Variants in USP22 observed in about 807,000 individuals in gnomAD.
The protein encoded by USP22 is ubiquitin specific peptidase 22.
USP22 carries 22 observed loss-of-function variants against 68.1 expected under a neutral mutation model. The observed-to-expected ratio is 0.32, with a 90% CI of 0.23 to 0.46. The LOEUF is 0.46. Among genes scored for constraint, USP22 ranks in the 20% least tolerant of loss-of-function variants. The pLI, the probability that USP22 is intolerant of heterozygous loss-of-function variation, is 1.00. For missense variants in USP22, 433 were observed against 695.8 expected, an observed-to-expected ratio of 0.62 and a Z score of 4.25; for synonymous variants, 279 against 274.2, an observed-to-expected ratio of 1.02 and a Z score of -0.17.
chr17:21,019,100 G>A lies in USP22; in HGVS notation c.504C>T (p.Thr168=). ...TCCACCCACCTATGGTGCAGTTCGA[G>A]GTGATCTTTCTCCTTTTCGGGTTGT... ...LKHNPKRRKI[T]SNCTIGLRGL... Residue 168 remains threonine, a synonymous_variant, in exon 4 of 13, where the codon ACC becomes ACT. Transcript: ENST00000261497. 6.2e-7 allele frequency: 1 copy of A among 1,614,180 alleles called. No homozygotes were observed. The highest frequency in any genetic ancestry group is 8.5e-7 in the Non-Finnish European group (1 of 1,180,010).
Position 21,006,967 on chromosome 17 carries a change from C to T in USP22, c.1251G>A (p.Lys417=), listed in dbSNP as rs761814750. 7.5e-6 allele frequency: 12 copies of T among 1,606,120 alleles called. No individual in the cohort carries two copies. The African/African-American group carries it at 1.3e-4, about 18-fold the overall frequency. Reference sequence around the variant, plus strand: ...CATACGTGGTGATCTTCCGCCGCAGCTTGGCTGAGTGTTCAAATCGCTGCA... The same window carrying T: ...CATACGTGGTGATCTTCCGCCGCAGTTTGGCTGAGTGTTCAAATCGCTGCA... The part of the protein sequence containing the change: ...FHLKRFEHSA[K]LRRKITTYVS... The change falls in exon 10 of 13, where the codon AAG becomes AAA. Residue 417 remains lysine (K), a synonymous_variant. Transcript: ENST00000261497.
At chr17:21,018,281 G>T in intron 4 of USP22, 170 bp from the exon 5 acceptor site, 2 of 602,866 alleles carry the variant, frequency 3.3e-6, no homozygotes, top group Non-Finnish European at 2.8e-6. Context: ...ACTTTTACAT[G>T]AACGGTATTG....
chr17:21,026,692 T>C (rs1431511115), intron 2 of USP22, among the ~76,000 whole-genome samples: 3 of 150,904 alleles, frequency 2.0e-5, no homozygotes, highest in Non-Finnish European at 4.4e-5. Flanking sequence ...TGTCCAGGCA[T>C]GGTGGCTCAC....
intron 2 of USP22, among the ~76,000 whole-genome samples, chr17:21,021,576 A>T (rs1369134225): frequency 6.6e-6 from 1 of 152,218 alleles, no homozygotes; most frequent in Non-Finnish European, 1.5e-5. Flanking sequence ...AGTCCTGGCC[A>T]CCTGACACGG....
intron 5 of USP22, among the ~76,000 whole-genome samples, chr17:21,017,060 C>T (rs757567391): frequency 3.9e-5 from 6 of 152,184 alleles, no homozygotes; most frequent in African/African-American, 7.2e-5. Flanking sequence ...ATTGCAGGTA[C>T]TTTGAGGAAA....
chr17:21,041,286 T>A (rs562751892), intron 1 of USP22, among the ~76,000 whole-genome samples: 56 of 152,196 alleles, frequency 3.7e-4, no homozygotes, highest in African/African-American at 1.3e-3. Flanking sequence ...TAACGCTACC[T>A]GATACCATTA....
At chr17:21,023,185 G>A (rs372142297) in intron 2 of USP22, among the ~76,000 whole-genome samples, 3 of 152,252 alleles carry the variant, frequency 2.0e-5, no homozygotes. Context: ...TGAGGGTGGA[G>A]AGTGGGAGAA....
At chr17:21,041,637 C>A (rs1182069543) in intron 1 of USP22, among the ~76,000 whole-genome samples, 2 of 152,124 alleles carry the variant, frequency 1.3e-5, no homozygotes, top group African/African-American at 4.8e-5. Flanking sequence ...CTTAACATAC[C>A]CTACAATCTC....
Position 21,042,694 on chromosome 17 carries a change from T to C in USP22, c.142A>G (p.Ser48Gly). Reference sequence around the variant, plus strand: ...CGCTTGCGGGCCTCAGCCGTGCCGCTCCACACGAAGCACTGGTAGATGGCC... The same window carrying C: ...CGCTTGCGGGCCTCAGCCGTGCCGCCCCACACGAAGCACTGGTAGATGGCC... ...LRAIYQCFVW[S>G]GTAEARKRKA... Residue 48 changes from serine to glycine, a missense_variant, in exon 1 of 13, where the codon AGC becomes GGC. By Grantham distance (56) the Ser-to-Gly change is moderately conservative (BLOSUM62 0). This residue lies in a region of USP22 where 110 missense variants were observed against 89.9 expected (regional missense o/e 1.22). Coordinates refer to ENST00000261497, the MANE Select transcript of USP22 (RefSeq NM_015276.2). The C allele has an allele frequency of 1.4e-6, 2 of 1,387,094 alleles. No homozygotes were observed. The highest frequency in any genetic ancestry group is 2.9e-5 in the East Asian group (1 of 33,900). 85.9% of individuals were successfully genotyped at this position (1,387,094 alleles called of 1,614,324 possible). A position where few individuals can be genotyped will look rare whatever the true frequency, so the allele number is the denominator to read the frequency against.
chr17:21,004,789 AATAGTGG>A lies in USP22; in HGVS notation c.1385+132_1385+138del. On this transcript the variant is annotated intron_variant, in intron 11 of 12. Coordinates refer to ENST00000261497, the MANE Select transcript of USP22 (RefSeq NM_015276.2). ...TTTCCTAGTGGAGCTGCGGGCAGCC[AATAGTGG>A]AGCTGCGGGCAGCCAAGCGGGAAGC... The A allele has an allele frequency of 1.8e-3, 156 of 88,074 alleles. 31 individuals are homozygous for A. Among genetic ancestry groups the A allele is most frequent in the Non-Finnish European group, 3.3e-3 (103 of 31,200 alleles). The allele number at this position is 88,074 out of a possible 1,614,324, so 5.5% of individuals were successfully genotyped here. A position where few individuals can be genotyped will look rare whatever the true frequency, so the allele number is the denominator to read the frequency against.
chr17:21,020,072 T>C (rs759614575), intron 3 of USP22, among the ~76,000 whole-genome samples: 4 of 150,838 alleles, frequency 2.7e-5, no homozygotes, highest in Non-Finnish European at 5.9e-5. Flanking sequence ...CAATGGAGAG[T>C]AATCAAGGCA....
intron 6 of USP22, among the ~76,000 whole-genome samples, chr17:21,014,780 T>A (rs1326896702): frequency 6.6e-6 from 1 of 152,160 alleles, no homozygotes; most frequent in African/African-American, 2.4e-5. Flanking sequence ...ACTGATAGGA[T>A]ATCGGCTACA....
intron 12 of USP22, among the ~76,000 whole-genome samples, chr17:21,003,571 A>G (rs182707753): frequency 6.6e-6 from 1 of 152,198 alleles, no homozygotes; most frequent in Non-Finnish European, 1.5e-5. Flanking sequence ...TCTCTATGCC[A>G]TGAAGGAATG....
Position 21,011,442 on chromosome 17 carries a change from G to A in USP22, c.945-133C>T, listed in dbSNP as rs1913967647. On this transcript the variant is annotated intron_variant, in intron 7 of 12. Coordinates refer to ENST00000261497, the MANE Select transcript of USP22 (RefSeq NM_015276.2). Reference sequence around the variant, plus strand: ...TCACAGTGACACTCAGGTGGGATGGGGCAGGAGCAAGAGCAGCAGTGCTCA... The same window carrying A: ...TCACAGTGACACTCAGGTGGGATGGAGCAGGAGCAAGAGCAGCAGTGCTCA... The A allele has an allele frequency of 3.3e-6, 4 of 1,210,422 alleles. No homozygotes were observed. The African/African-American group carries it at 4.6e-5, about 14-fold the overall frequency. 75.0% of individuals were successfully genotyped at this position (1,210,422 alleles called of 1,614,324 possible). A position where few individuals can be genotyped will look rare whatever the true frequency, so the allele number is the denominator to read the frequency against.
chr17:21,016,680 A>T (rs1439387662), intron 5 of USP22, among the ~76,000 whole-genome samples: 1 of 152,204 alleles, frequency 6.6e-6, no homozygotes, highest in Admixed American at 6.5e-5. Flanking sequence ...AGATTCAGAA[A>T]GGCTACTTCC....
chr17:21,043,123 A>ACACC (rs1972466791), upstream of USP22: 1 of 18,888 alleles, frequency 5.3e-5, no homozygotes, highest in African/African-American at 2.1e-4. Flanking sequence ...AGATTACGTC[A>ACACC]CCCCCCCCCC....
chr17:21,033,974 A>G (rs1597701143), intron 1 of USP22, among the ~76,000 whole-genome samples: 1 of 151,900 alleles, frequency 6.6e-6, no homozygotes, highest in African/African-American at 2.4e-5. Context: ...GTCTTGAACT[A>G]CTGACCTCAA....
At chr17:21,010,355 A>G (rs1273939949) in intron 8 of USP22, among the ~76,000 whole-genome samples, 3 of 152,182 alleles carry the variant, frequency 2.0e-5, no homozygotes, top group Non-Finnish European at 1.5e-5. Flanking sequence ...TGTCTTTACA[A>G]TTGTATGCTA....
At chr17:21,036,964 G>A (rs967731925) in intron 1 of USP22, among the ~76,000 whole-genome samples, 1 of 152,122 alleles carries the variant, frequency 6.6e-6, no homozygotes, top group African/African-American at 2.4e-5. Flanking sequence ...TAAGGCTGGG[G>A]CAGAAAACAC....
Sources: allele counts gnomAD v4.1 joint callset (sites outside exome capture counted in the v4.1 genomes callset), GRCh38; gene constraint gnomAD v4.1.1; regional missense constraint gnomAD v4.1.1; transcripts MANE v1.5; gene names NCBI Gene and HGNC (gene_info 2026-07-23, HGNC 2026-07-21).